Variants in ADAMTSL3 observed in about 807,000 individuals in gnomAD.
The protein encoded by ADAMTSL3 is ADAMTS-like protein 3.
In ADAMTSL3, 128 loss-of-function variants were observed where a neutral mutation model predicts 201.7. The observed-to-expected ratio is 0.63, with a 90% CI of 0.55 to 0.73. The LOEUF is 0.73. ADAMTSL3 is among the 30% of genes least tolerant of loss of function. The pLI, the probability that ADAMTSL3 is intolerant of heterozygous loss-of-function variation, is 0.00. For synonymous variants in ADAMTSL3, 738 were observed against 748.4 expected (o/e 0.99, Z 0.23); for missense variants, 1,990 against 2,119.6 (o/e 0.94, Z 1.20).
At chr15:83,951,929 G>T (rs373232174) in intron 19 of ADAMTSL3, among the ~76,000 whole-genome samples, 1 of 152,050 alleles carries the variant, frequency 6.6e-6, no homozygotes, top group South Asian at 2.1e-4. Flanking sequence ...GAGTTTTGTC[G>T]ATTTTATTTA....
At chr15:83,829,317 G>A (rs1452448552) in intron 6 of ADAMTSL3, among the ~76,000 whole-genome samples, 3 of 152,208 alleles carry the variant, frequency 2.0e-5, no homozygotes, top group Non-Finnish European at 4.4e-5. Context: ...TTTGCGTAGA[G>A]CTGTTTATAG....
At chr15:83,769,831 T>C (rs1366228282) in intron 3 of ADAMTSL3, among the ~76,000 whole-genome samples, 2 of 151,894 alleles carry the variant, frequency 1.3e-5, no homozygotes, top group African/African-American at 4.8e-5. Flanking sequence ...CCTAAGGGCT[T>C]AAGGAAACCT....
intron 16 of ADAMTSL3, among the ~76,000 whole-genome samples, chr15:83,915,911 G>A (rs2066025210): frequency 1.3e-5 from 2 of 152,116 alleles, no homozygotes. Context: ...AATTTGAGTT[G>A]TTTGCATGTT....
At position 83,811,258 on chromosome 15, in the gene ADAMTSL3, G is replaced by A. The variant is rs181939036; in HGVS notation, c.363+6563G>A. Among the ~76,000 whole-genome samples, 16 of 152,310 alleles carry A rather than the reference G, an allele frequency of 1.1e-4. No individual in the cohort carries two copies. In the East Asian group the frequency reaches 2.7e-3, roughly 26 times the overall value. On this transcript the variant is annotated intron_variant, in intron 5 of 29. Transcript: ENST00000286744. Reference sequence around the variant, plus strand: ...TGCATTATTTTGCCCAACACAATGGGATAGCTAAAGTTTTCTTTGGTCTGA... The same window carrying A: ...TGCATTATTTTGCCCAACACAATGGAATAGCTAAAGTTTTCTTTGGTCTGA...
At chr15:83,903,917 C>CAA (rs1168502648) in intron 15 of ADAMTSL3, among the ~76,000 whole-genome samples, 5 of 19,274 alleles carry the variant, frequency 2.6e-4, no homozygotes, top group Admixed American at 1.0e-3. Flanking sequence ...GACTCCACAT[C>CAA]AAAAAAAAAA....
chr15:84,016,047 T>A (rs2068082823), intron 24 of ADAMTSL3, among the ~76,000 whole-genome samples: 1 of 152,194 alleles, frequency 6.6e-6, no homozygotes, highest in African/African-American at 2.4e-5. Flanking sequence ...GCATTCCTCT[T>A]AAGAGGCAGA....
intron 2 of ADAMTSL3, 137 bp downstream of exon 2, chr15:83,655,967 T>G: frequency 4.4e-4 from 397 of 896,120 alleles, no homozygotes; most frequent in East Asian, 6.3e-4. Flanking sequence ...TTCCTATCTC[T>G]AGCCAATGGT....
In ADAMTSL3 at chr15:84,014,560, T is replaced by G. The variant is rs139185219; in HGVS notation, c.3992T>G (p.Ile1331Arg). 4.9e-5 allele frequency: 79 copies of G among 1,613,958 alleles called. No individual in the cohort carries two copies. The African/African-American group carries it at 1.0e-3, about 21-fold the overall frequency. The change falls in exon 24 of 30, where the codon ATA (isoleucine) becomes AGA (arginine). Residue 1331 changes from isoleucine (I) to arginine (R), a missense_variant. Physicochemically the swap from Ile to Arg is moderately conservative, Grantham distance 97. Transcript: ENST00000286744. ...TCCAAAGGTGTCCCTCAGCCTAATA[T>G]AACTTGGTTGAAGAGAGGAGGATCT... ...CPVKGVPQPN[I>R]TWLKRGGSLS...
At chr15:83,797,861 G>A (rs2063453344) in intron 4 of ADAMTSL3, among the ~76,000 whole-genome samples, 2 of 152,154 alleles carry the variant, frequency 1.3e-5, no homozygotes, top group South Asian at 2.1e-4. Flanking sequence ...GCCTAACATG[G>A]TGGTTTAAGA....
At position 84,014,709 on chromosome 15, in the gene ADAMTSL3, G is replaced by A. The variant is rs765812539; in HGVS notation, c.4141G>A (p.Val1381Ile). ...TCTTGGAAAGGCAGTGGCAACATCT[G>A]TACTCCACTTGCTGGGTAAGTGTCA... ...NALGKAVATS[V>I]LHLLERRWPE... The change falls in exon 24 of 30, where the codon GTA (valine) becomes ATA (isoleucine). Residue 1381 changes from valine (V) to isoleucine (I), a missense_variant. Coordinates refer to ENST00000286744, the MANE Select transcript of ADAMTSL3 (RefSeq NM_207517.3). The A allele has an allele frequency of 2.5e-6, 4 of 1,611,036 alleles. No individual in the cohort carries two copies. Among genetic ancestry groups the A allele is most frequent in the Non-Finnish European group, 2.5e-6 (3 of 1,179,120 alleles).
chr15:83,891,339 A>G lies in ADAMTSL3; in HGVS notation c.1222A>G (p.Lys408Glu), dbSNP rs745493564. ...TGATTTCATTTGTAGTGATGGATTT[A>G]AAGAGATAATGCCCTATGACCACTT... ...MDPCPSSDGF[K>E]EIMPYDHFQP... The change falls in exon 12 of 30, where the codon AAA (lysine) becomes GAA (glutamate). Residue 408 changes from lysine to glutamate, a missense_variant. Lys to Glu is a moderately conservative substitution (Grantham distance 56). Transcript: ENST00000286744. 10 of 1,610,478 alleles carry G rather than the reference A, an allele frequency of 6.2e-6. No homozygotes were observed. The South Asian group carries it at 9.9e-5, about 16-fold the overall frequency.
rs538210383 is a variant in ADAMTSL3, at chr15:84,021,385, A to G, written c.4274-25A>G. ...TCGTCATTTCTCTTTTGGGGCTGGCATGATATTTTGTTTTCTTTCTGCAGA... is the reference window on the plus strand; with the variant it reads ...TCGTCATTTCTCTTTTGGGGCTGGCGTGATATTTTGTTTTCTTTCTGCAGA... On this transcript the variant is annotated intron_variant, in intron 25 of 29. Coordinates refer to ENST00000286744, the MANE Select transcript of ADAMTSL3 (RefSeq NM_207517.3). 6 of 1,612,996 alleles carry G rather than the reference A, an allele frequency of 3.7e-6. No homozygotes were observed. The Admixed American group carries it at 5.0e-5, about 13-fold the overall frequency.
At chr15:83,666,903 C>T (rs1283378408) in intron 2 of ADAMTSL3, among the ~76,000 whole-genome samples, 1 of 151,358 alleles carries the variant, frequency 6.6e-6, no homozygotes, top group Non-Finnish European at 1.5e-5. Context: ...ATGTATGCCC[C>T]ATTTTTCTAT....
intron 5 of ADAMTSL3, among the ~76,000 whole-genome samples, chr15:83,810,931 G>A (rs902224123): frequency 2.6e-5 from 4 of 152,050 alleles, no homozygotes; most frequent in African/African-American, 9.7e-5. Flanking sequence ...TAGAAACAGG[G>A]TTTCACCATA....
chr15:83,774,791 A>G (rs1455521749), intron 4 of ADAMTSL3, among the ~76,000 whole-genome samples: 1 of 150,906 alleles, frequency 6.6e-6, no homozygotes, highest in Non-Finnish European at 1.5e-5. Flanking sequence ...TTTGGGATAT[A>G]TTTATTCTGC....
chr15:83,963,891 A>T (rs2142101711), intron 19 of ADAMTSL3, among the ~76,000 whole-genome samples: 1 of 152,244 alleles, frequency 6.6e-6, no homozygotes, highest in African/African-American at 2.4e-5. Context: ...CATCCAGCAA[A>T]CTCCAGCAGA....
rs1282983529 is a variant in ADAMTSL3, at chr15:83,942,701, G to T, written c.2223G>T (p.Glu741Asp). The T allele has an allele frequency of 1.2e-6, 2 of 1,614,078 alleles. No homozygotes were observed. The highest frequency in any genetic ancestry group is 1.7e-6 in the Non-Finnish European group (2 of 1,179,996). Residue 741 changes from glutamate to aspartate, a missense_variant, in exon 18 of 30, where the codon GAG (glutamate) becomes GAT (aspartate). By Grantham distance (45) the Glu-to-Asp change is conservative. Coordinates refer to ENST00000286744, the MANE Select transcript of ADAMTSL3 (RefSeq NM_207517.3). ...LHPGETPAPP[E>D]ECRDEKPHAL... ...CAGGGGAGACCCCTGCCCCTCCTGAGGAGTGCCGAGATGAAAAGCCCCATG... is the reference window on the plus strand; with the variant it reads ...CAGGGGAGACCCCTGCCCCTCCTGATGAGTGCCGAGATGAAAAGCCCCATG...
chr15:83,721,754 A>T (rs891087372), intron 3 of ADAMTSL3, among the ~76,000 whole-genome samples: 2 of 152,214 alleles, frequency 1.3e-5, no homozygotes, highest in African/African-American at 2.4e-5. Context: ...TGTTTTTGGG[A>T]TGGAGTCTTG....
At chr15:83,835,851 A>T (rs966556157) in intron 6 of ADAMTSL3, among the ~76,000 whole-genome samples, 1 of 152,250 alleles carries the variant, frequency 6.6e-6, no homozygotes, top group African/African-American at 2.4e-5. Flanking sequence ...CTTAAGGTAG[A>T]GGAAGTTGTA....
Sources: gnomAD v4.1 joint callset for allele counts (sites outside exome capture counted in the v4.1 genomes callset) on GRCh38, gnomAD v4.1.1 for gene constraint, MANE v1.5 for transcripts, NCBI Gene and HGNC (gene_info 2026-07-23, HGNC 2026-07-21) for gene names.